The following SAMD4A variants were observed in gnomAD, a reference collection of about 807,000 sequenced individuals.
The protein encoded by SAMD4A is sterile alpha motif domain containing 4A.
Under a neutral mutation model 81.3 loss-of-function variants are expected in SAMD4A, and 33 were observed. That is an observed-to-expected ratio of 0.41 (90% confidence interval 0.31 to 0.54). The LOEUF is 0.54. Ranked by LOEUF, SAMD4A falls within the 20% of genes least tolerant of loss-of-function variation. The pLI, the probability that SAMD4A is intolerant of heterozygous loss-of-function variation, is 0.37. For synonymous variants in SAMD4A, 389 were observed against 382.1 expected (o/e 1.02, Z -0.21); for missense variants, 854 against 951.1 (o/e 0.90, Z 1.34).
Position 54,629,346 on chromosome 14 carries a change from A to G in SAMD4A, c.196+61234A>G, listed in dbSNP as rs539954896. ...TTTGTTTTCAGAACTGTGAGAATAA[A>G]TTTCTGTTGTTTTAAGTTACCCAGT... On this transcript the variant is annotated intron_variant, in intron 2 of 12. Coordinates refer to ENST00000554335, the MANE Select transcript of SAMD4A (RefSeq NM_015589.6). Among the ~76,000 whole-genome samples, 4 of 152,278 alleles carry G rather than the reference A, an allele frequency of 2.6e-5. No homozygotes were observed. The South Asian group carries it at 8.3e-4, about 32-fold the overall frequency.
In SAMD4A at chr14:54,776,015, TAAAAAAAAAAAAAA is replaced by T. The variant is rs10539223; in HGVS notation, c.1918-385_1918-372del. ...GCTTTGGAGTACATTGTAAGAATCTTAAAAAAAAAAAAAAAAAAAAAAAAAAATCAGAGCCCTGA... is the reference window on the plus strand; with the variant it reads ...GCTTTGGAGTACATTGTAAGAATCTTAAAAAAAAAAAAATCAGAGCCCTGA... On this transcript the variant is annotated intron_variant, in intron 10 of 12. Transcript: ENST00000554335. 6.7e-5 allele frequency among the ~76,000 whole-genome samples: 6 copies of T among 89,840 alleles called. No individual in the cohort carries two copies. In the Admixed American group the frequency reaches 7.5e-4, roughly 11 times the overall value. The allele number at this position is 89,840 out of a possible 152,430, so 58.9% of individuals were successfully genotyped here.
intron 2 of SAMD4A, among the ~76,000 whole-genome samples, chr14:54,573,569 G>A (rs1487127651): frequency 6.6e-6 from 1 of 152,176 alleles, no homozygotes; most frequent in African/African-American, 2.4e-5. Flanking sequence ...AAGGTATGGT[G>A]CTCGTAGAAA....
rs192061712 is a variant in SAMD4A at position 54,589,222 on chromosome 14, A to G, written c.196+21110A>G. On this transcript the variant is annotated intron_variant, in intron 2 of 12. Coordinates refer to ENST00000554335, the MANE Select transcript of SAMD4A (RefSeq NM_015589.6). ...TCATTGTGGGTGAAATTTTCTGAAG[A>G]TGGAGTAATTTACACGCTCATCTAT... 6.6e-5 allele frequency among the ~76,000 whole-genome samples: 10 copies of G among 152,310 alleles called. No homozygotes were observed. The East Asian group carries it at 1.7e-3, about 26-fold the overall frequency.
chr14:54,594,361 T>C (rs2033858593), intron 2 of SAMD4A, among the ~76,000 whole-genome samples: 5 of 151,770 alleles, frequency 3.3e-5, no homozygotes, highest in African/African-American at 9.7e-5. Context: ...AGATCAAGGC[T>C]GCAGTGAGCC....
intron 3 of SAMD4A, among the ~76,000 whole-genome samples, chr14:54,720,169 C>T (rs757074253): frequency 5.3e-5 from 8 of 152,012 alleles, no homozygotes; most frequent in Non-Finnish European, 8.8e-5. Flanking sequence ...TTTCAAATTC[C>T]GAGAGTTCTT....
rs200245981 is a variant in SAMD4A at position 54,709,278 on chromosome 14, AAAACAAACAAAC to A, written c.715+6710_715+6721del. Among the ~76,000 whole-genome samples the A allele has an allele frequency of 3.4e-5, 5 of 148,708 alleles. No individual in the cohort carries two copies. In the East Asian group the frequency reaches 9.7e-4, roughly 29 times the overall value. ...GGTGACAGAATAAGCCTCTGTCTCA[AAAACAAACAAAC>A]AAACAAACAAAAAACAGAAGAAAAG... On this transcript the variant is annotated intron_variant, in intron 3 of 12. Coordinates refer to ENST00000554335, the MANE Select transcript of SAMD4A (RefSeq NM_015589.6).
intron 2 of SAMD4A, among the ~76,000 whole-genome samples, chr14:54,617,260 T>C (rs1388251911): frequency 6.6e-6 from 1 of 152,186 alleles, no homozygotes; most frequent in Non-Finnish European, 1.5e-5. Flanking sequence ...TATGGAAGGA[T>C]TGTGATTCCC....
intron 3 of SAMD4A, among the ~76,000 whole-genome samples, chr14:54,708,418 ATATATGAG>A (rs1479280578): frequency 6.6e-6 from 1 of 152,208 alleles, no homozygotes; most frequent in African/African-American, 2.4e-5. Context: ...AGGTAGTGGG[ATATATGAG>A]TGTGCAGTTT....
At chr14:54,662,573 G>A (rs1417688279) in intron 2 of SAMD4A, among the ~76,000 whole-genome samples, 1 of 151,678 alleles carries the variant, frequency 6.6e-6, no homozygotes, top group Non-Finnish European at 1.5e-5. Context: ...CCACACCTGG[G>A]TAACTTTTGT....
chr14:54,638,588 C>T (rs554439031), intron 2 of SAMD4A, among the ~76,000 whole-genome samples: 16 of 152,152 alleles, frequency 1.1e-4, no homozygotes, highest in South Asian at 8.3e-4. Context: ...TATAAGTCCT[C>T]GGTTTAAAAA....
chr14:54,593,597 C>T (rs563321492), intron 2 of SAMD4A, among the ~76,000 whole-genome samples: 1 of 151,844 alleles, frequency 6.6e-6, no homozygotes, highest in Non-Finnish European at 1.5e-5. Flanking sequence ...TCATCTTTAC[C>T]CTATGGAAAA....
Position 54,567,732 on chromosome 14 carries a change from A to G in SAMD4A, c.-185A>G. On this transcript the variant is annotated 5_prime_UTR_variant, in exon 2 of 13. Transcript: ENST00000554335. ...GGGGAAATCAGCCAGAACCACCGGAACGTAACTGAAACCAGACAAGAGAGG... is the reference window on the plus strand; with the variant it reads ...GGGGAAATCAGCCAGAACCACCGGAGCGTAACTGAAACCAGACAAGAGAGG... 1 of 568,922 alleles carries G rather than the reference A, an allele frequency of 1.8e-6. No homozygotes were observed. Among genetic ancestry groups the G allele is most frequent in the South Asian group, 2.3e-5 (1 of 42,758 alleles). 35.2% of individuals were successfully genotyped at this position (568,922 alleles called of 1,614,324 possible).
At chr14:54,690,770 A>G (rs186014309) in intron 2 of SAMD4A, among the ~76,000 whole-genome samples, 2 of 152,060 alleles carry the variant, frequency 1.3e-5, no homozygotes, top group Admixed American at 6.5e-5. Context: ...ATGAAGCTAG[A>G]TTCAAACAAC....
chr14:54,684,019 G>A (rs755162026), intron 2 of SAMD4A, among the ~76,000 whole-genome samples: 4 of 152,198 alleles, frequency 2.6e-5, no homozygotes, highest in Non-Finnish European at 4.4e-5. Context: ...AAGGAAGAAG[G>A]TAGAGATTTT....
intron 2 of SAMD4A, among the ~76,000 whole-genome samples, chr14:54,633,653 G>A (rs1461327280): frequency 6.6e-6 from 1 of 151,974 alleles, no homozygotes; most frequent in African/African-American, 2.4e-5. Flanking sequence ...ATGGGGAGGG[G>A]GCAGGAGGAG....
At chr14:54,640,216 G>A (rs545684656) in intron 2 of SAMD4A, among the ~76,000 whole-genome samples, 237 of 152,058 alleles carry the variant, frequency 1.6e-3, no homozygotes, top group Non-Finnish European at 1.8e-3. Flanking sequence ...ATCTCCCAGC[G>A]CCCTCGTGTC....
chr14:54,566,750 C>G (rs1032668372), upstream of SAMD4A, among the ~76,000 whole-genome samples: 3 of 151,848 alleles, frequency 2.0e-5, no homozygotes, highest in African/African-American at 7.2e-5. Flanking sequence ...GCCACACACG[C>G]GCGCACACAC....
intron 5 of SAMD4A, among the ~76,000 whole-genome samples, chr14:54,750,044 T>G (rs974878900): frequency 1.3e-5 from 2 of 152,176 alleles, no homozygotes; most frequent in Non-Finnish European, 2.9e-5. Flanking sequence ...TTCTCCCACC[T>G]CTTTTTGGAT....
At chr14:54,745,746 A>G (rs2037952750) in intron 4 of SAMD4A, among the ~76,000 whole-genome samples, 1 of 152,186 alleles carries the variant, frequency 6.6e-6, no homozygotes, top group Non-Finnish European at 1.5e-5. Flanking sequence ...TAAGAGAGTG[A>G]CTTTCTAGTT....
Sources: allele counts gnomAD v4.1 joint callset (sites outside exome capture counted in the v4.1 genomes callset), GRCh38; gene constraint gnomAD v4.1.1; transcripts MANE v1.5; gene names NCBI Gene and HGNC (gene_info 2026-07-23, HGNC 2026-07-21).